The following LMO1 variants were observed in gnomAD, a reference collection of about 807,000 sequenced individuals.
The protein encoded by LMO1 is rhombotin-1.
LMO1 carries 10 observed loss-of-function variants against 18.0 expected under a neutral mutation model. The observed-to-expected ratio is 0.55, with a 90% CI of 0.34 to 0.94. The LOEUF (loss-of-function observed/expected upper bound fraction) is 0.94, where lower values mean the gene tolerates loss of function less well. LMO1 is among the 40% of genes least tolerant of loss of function. The pLI is 0.02. For synonymous variants in LMO1, 77 were observed against 77.9 expected, an observed-to-expected ratio of 0.99 and a Z score of 0.06; for missense variants, 183 against 205.7, an observed-to-expected ratio of 0.89 and a Z score of 0.68.
chr11:8,240,329 G>T (rs1846762756), intron 1 of LMO1, among the ~76,000 whole-genome samples: 1 of 152,182 alleles, frequency 6.6e-6, no homozygotes, highest in Non-Finnish European at 1.5e-5. Context: ...TAGGAATACT[G>T]CATCTAAAGC....
chr11:8,233,054 T>G (rs12577773), intron 1 of LMO1, among the ~76,000 whole-genome samples: 36,726 of 152,182 alleles, frequency 0.24, 4,836 homozygotes, highest in Non-Finnish European at 0.3. Context: ...CCCTCCCCAC[T>G]GCCCGTGCCC....
chr11:8,249,893 T>C (rs1475652975), intron 1 of LMO1, among the ~76,000 whole-genome samples: 1 of 152,256 alleles, frequency 6.6e-6, no homozygotes, highest in Non-Finnish European at 1.5e-5. Context: ...CAGCAGGGGC[T>C]AGCCCTTAAC....
intron 1 of LMO1, among the ~76,000 whole-genome samples, chr11:8,233,054 T>A (rs12577773): frequency 2.0e-5 from 3 of 152,110 alleles, no homozygotes; most frequent in Non-Finnish European, 4.4e-5. Context: ...CCCTCCCCAC[T>A]GCCCGTGCCC....
At chr11:8,234,671 C>T (rs964637146) in intron 1 of LMO1, among the ~76,000 whole-genome samples, 3 of 152,134 alleles carry the variant, frequency 2.0e-5, no homozygotes, top group African/African-American at 7.2e-5. Flanking sequence ...TGGCCACCTC[C>T]TGGCAACTCC....
At chr11:8,225,067 G>C (rs1156872077) in intron 3 of LMO1, among the ~76,000 whole-genome samples, 1 of 152,104 alleles carries the variant, frequency 6.6e-6, no homozygotes, top group Non-Finnish European at 1.5e-5. Context: ...CCCAGAGAGG[G>C]AGAAAGGGAA....
intron 2 of LMO1, among the ~76,000 whole-genome samples, chr11:8,229,155 T>A (rs1412825381): frequency 2.6e-5 from 4 of 152,130 alleles, no homozygotes; most frequent in African/African-American, 9.7e-5. Context: ...CCCAAAGTGC[T>A]GGAGTTACAG....
chr11:8,260,884 C>CG (rs1370952019), intron 1 of LMO1, among the ~76,000 whole-genome samples: 4 of 151,964 alleles, frequency 2.6e-5, no homozygotes, highest in South Asian at 2.1e-4. Context: ...TTGGGGGAGC[C>CG]GGGGGGTGGG....
intron 1 of LMO1, 43 bp downstream of exon 1, chr11:8,263,295 G>T: frequency 1.3e-6 from 2 of 1,580,676 alleles, no homozygotes; most frequent in Non-Finnish European, 8.6e-7. Flanking sequence ...CGCGGCAGGG[G>T]GCGAGGGGGT....
At chr11:8,233,368 C>T (rs1198024035) in intron 1 of LMO1, among the ~76,000 whole-genome samples, 1 of 152,180 alleles carries the variant, frequency 6.6e-6, no homozygotes, top group Non-Finnish European at 1.5e-5. Flanking sequence ...AGTCCTGTGG[C>T]TATGGGGTCC....
At chr11:8,254,490 A>G (rs371069946) in intron 1 of LMO1, among the ~76,000 whole-genome samples, 3 of 152,214 alleles carry the variant, frequency 2.0e-5, no homozygotes, top group African/African-American at 7.2e-5. Flanking sequence ...CTGCATCTGC[A>G]TATATGCTCA....
intron 3 of LMO1, among the ~76,000 whole-genome samples, chr11:8,225,404 CAAAAAAAAAAA>C (rs34847129): frequency 7.2e-4 from 25 of 34,724 alleles, no homozygotes; most frequent in Non-Finnish European, 6.4e-4. Flanking sequence ...GACTCCATCT[CAAAAAAAAAAA>C]AAAAAAAAAA....
chr11:8,246,899 C>G (rs978413691), intron 1 of LMO1, among the ~76,000 whole-genome samples: 1 of 152,166 alleles, frequency 6.6e-6, no homozygotes, highest in Non-Finnish European at 1.5e-5. Flanking sequence ...CCTCATCCCC[C>G]TGCTGGGATG....
upstream of LMO1, chr11:8,268,492 G>C: frequency 2.2e-6 from 3 of 1,369,920 alleles, no homozygotes; most frequent in East Asian, 3.1e-5. Flanking sequence ...GATACGGAGG[G>C]GCGCGTGGCT....
chr11:8,227,660 G>A (rs1777288409), intron 2 of LMO1, among the ~76,000 whole-genome samples: 1 of 152,132 alleles, frequency 6.6e-6, no homozygotes, highest in Non-Finnish European at 1.5e-5. Context: ...AAAGATAAAC[G>A]CTTAATCCTC....
rs1847228214 is a variant in LMO1, at chr11:8,263,618, G to C, written c.-256C>G. 1 of 1,354,956 alleles carries C rather than the reference G, an allele frequency of 7.4e-7. No individual in the cohort carries two copies. Among genetic ancestry groups the C allele is most frequent in the African/African-American group, 1.5e-5 (1 of 65,528 alleles). The allele number at this position is 1,354,956 out of a possible 1,614,324, so 83.9% of individuals were successfully genotyped here. ...ACGAACTGCAATTTAGAGAGAGAGGGAGAGGGAGAGAGAAGGGGGAAAAGA... is the reference window on the plus strand; with the variant it reads ...ACGAACTGCAATTTAGAGAGAGAGGCAGAGGGAGAGAGAAGGGGGAAAAGA... On this transcript the variant is annotated 5_prime_UTR_variant, in exon 1 of 4. Transcript: ENST00000335790.
At chr11:8,236,736 T>G (rs1019095546) in intron 1 of LMO1, among the ~76,000 whole-genome samples, 16 of 152,184 alleles carry the variant, frequency 1.1e-4, no homozygotes, top group African/African-American at 3.9e-4. Context: ...GAGGAGGGAC[T>G]GTGTCTGTTT....
chr11:8,267,603 G>T (rs557906652), upstream of LMO1, among the ~76,000 whole-genome samples: 1 of 152,330 alleles, frequency 6.6e-6, no homozygotes, highest in Non-Finnish European at 1.5e-5. Context: ...TGGAAATTTT[G>T]TGAGGTCCAA....
At position 8,224,584 on chromosome 11, in the gene LMO1, G is replaced by T. The variant is rs774535892; in HGVS notation, c.*32C>A. On this transcript the variant is annotated 3_prime_UTR_variant, in exon 4 of 4. Coordinates refer to ENST00000335790, the MANE Select transcript of LMO1 (RefSeq NM_002315.3). ...AGGCAGGTGGGCAGGCGGGCAGATG[G>T]ACAGACGGGCCTGGAGGCCAGGCGC... The T allele has an allele frequency of 6.4e-6, 9 of 1,412,634 alleles. No individual in the cohort carries two copies. Among genetic ancestry groups the T allele is most frequent in the Non-Finnish European group, 6.9e-6 (7 of 1,019,172 alleles). 87.5% of individuals were successfully genotyped at this position (1,412,634 alleles called of 1,614,324 possible). A position where few individuals can be genotyped will look rare whatever the true frequency, so the allele number is the denominator to read the frequency against.
chr11:8,267,488 A>G (rs1207151540), upstream of LMO1, among the ~76,000 whole-genome samples: 2 of 152,142 alleles, frequency 1.3e-5, no homozygotes, highest in Non-Finnish European at 2.9e-5. Flanking sequence ...TTCAGGCACT[A>G]AGGGATTGTC....
Sources: gnomAD v4.1 joint callset for allele counts (sites outside exome capture counted in the v4.1 genomes callset) on GRCh38, gnomAD v4.1.1 for gene constraint, MANE v1.5 for transcripts, NCBI Gene and HGNC (gene_info 2026-07-23, HGNC 2026-07-21) for gene names.